The following CBL variants were observed in gnomAD, a reference collection of about 807,000 sequenced individuals.
CBL encodes E3 ubiquitin-protein ligase CBL.
Under a neutral mutation model 96.9 loss-of-function variants are expected in CBL, and 45 were observed. The observed-to-expected ratio is 0.46, with a 90% CI of 0.37 to 0.60. The LOEUF (loss-of-function observed/expected upper bound fraction) is 0.60, where lower values mean the gene tolerates loss of function less well. Ranked by LOEUF, CBL falls within the 20% of genes least tolerant of loss-of-function variation. CBL has a pLI of 0.00. For synonymous variants in CBL, 420 were observed against 426.8 expected (o/e 0.98, Z 0.20); for missense variants, 1,024 against 1,143.5 (o/e 0.90, Z 1.51).
rs938551029 is a variant in CBL at position 119,302,548 on chromosome 11, C to A, written c.*2767C>A. 7 of 232,410 alleles carry A rather than the reference C, an allele frequency of 3.0e-5. No individual in the cohort carries two copies. The highest frequency in any genetic ancestry group is 5.1e-5 in the Non-Finnish European group (6 of 117,606). The allele number at this position is 232,410 out of a possible 1,614,324, so 14.4% of individuals were successfully genotyped here. ...GTGGCTAATAAAGTAAAAAAACCCA[C>A]ACTACTTTGTTCTCTTTTTCTCATA... On this transcript the variant is annotated 3_prime_UTR_variant, in exon 16 of 16. Transcript: ENST00000264033.
Position 119,287,966 on chromosome 11 carries a change from A to G in CBL, c.2036+20A>G. The G allele has an allele frequency of 6.5e-7, 1 of 1,531,672 alleles. No homozygotes were observed. Among genetic ancestry groups the G allele is most frequent in the Middle Eastern group, 1.7e-4 (1 of 5,902 alleles). The allele number at this position is 1,531,672 out of a possible 1,614,324, so 94.9% of individuals were successfully genotyped here. ...TGCCAGGTAAGTCTGCTAAAGCTATATTTTGTACAGTGGAGTTGTTACTTG... is the reference window on the plus strand; with the variant it reads ...TGCCAGGTAAGTCTGCTAAAGCTATGTTTTGTACAGTGGAGTTGTTACTTG... On this transcript the variant is annotated intron_variant, in intron 12 of 15. Coordinates refer to ENST00000264033, the MANE Select transcript of CBL (RefSeq NM_005188.4).
At chr11:119,224,389 A>G (rs1407929714) in intron 1 of CBL, among the ~76,000 whole-genome samples, 2 of 151,914 alleles carry the variant, frequency 1.3e-5, no homozygotes, top group Non-Finnish European at 2.9e-5. Flanking sequence ...TGTCCCCCTC[A>G]TTACCTCCAG....
intron 1 of CBL, among the ~76,000 whole-genome samples, chr11:119,210,866 T>G (rs1413651609): frequency 2.0e-5 from 3 of 152,104 alleles, no homozygotes; most frequent in African/African-American, 7.2e-5. Flanking sequence ...TCCATTATTC[T>G]AGGGGATATG....
In CBL at chr11:119,273,880, T is replaced by C; in HGVS notation, c.603T>C (p.Pro201=). The change falls in exon 4 of 16, where the codon CCT becomes CCC. Residue 201 remains proline (P), a synonymous_variant. Transcript: ENST00000264033. ...ACCCCCTCCCCAGGACAATAGTCCCTTGGAAGAGCTTTCGACAGGCTCTAC... is the reference window on the plus strand; with the variant it reads ...ACCCCCTCCCCAGGACAATAGTCCCCTGGAAGAGCTTTCGACAGGCTCTAC... ...RKAFGEKTIV[P]WKSFRQALHE... 4 of 1,614,074 alleles carry C rather than the reference T, an allele frequency of 2.5e-6. No homozygotes were observed. In the South Asian group the frequency reaches 4.4e-5, roughly 18 times the overall value.
Position 119,206,356 on chromosome 11 carries a change from C to T in CBL, c.-62C>T, listed in dbSNP as rs1459565190. On this transcript the variant is annotated 5_prime_UTR_variant, in exon 1 of 16. Transcript: ENST00000264033. ...GGCCCCTCCTTCACGCCCTGCTTCT[C>T]TCCCTCGCTCGCAGTCGAGCCGAGC... 4.5e-6 allele frequency: 6 copies of T among 1,328,658 alleles called. No homozygotes were observed. Among genetic ancestry groups the T allele is most frequent in the Admixed American group, 5.7e-5 (2 of 34,992 alleles). The allele number at this position is 1,328,658 out of a possible 1,614,324, so 82.3% of individuals were successfully genotyped here. A position where few individuals can be genotyped will look rare whatever the true frequency, so the allele number is the denominator to read the frequency against.
At chr11:119,255,630 A>G (rs1949705588) in intron 2 of CBL, among the ~76,000 whole-genome samples, 1 of 152,134 alleles carries the variant, frequency 6.6e-6, no homozygotes, top group Non-Finnish European at 1.5e-5. Context: ...TAGTACATAT[A>G]AATTTTTTCA....
chr11:119,294,804 A>G (rs886527804), intron 12 of CBL, among the ~76,000 whole-genome samples: 5 of 151,896 alleles, frequency 3.3e-5, no homozygotes, highest in African/African-American at 4.8e-5. Flanking sequence ...AGGAAAAAAA[A>G]AAAAGGAAAA....
intron 9 of CBL, among the ~76,000 whole-genome samples, chr11:119,281,690 G>A (rs1949935631): frequency 6.6e-6 from 1 of 151,744 alleles, no homozygotes; most frequent in Admixed American, 6.6e-5. Flanking sequence ...GTAGAAACAG[G>A]GTTTCACCAT....
At chr11:119,219,389 AAG>A (rs1207019992) in intron 1 of CBL, among the ~76,000 whole-genome samples, 114 of 151,552 alleles carry the variant, frequency 7.5e-4, no homozygotes, top group Non-Finnish European at 1.2e-3. Flanking sequence ...AAAAAAAAAA[AAG>A]AAAGAAAGAA....
At chr11:119,275,431 C>A (rs946270190) in intron 5 of CBL, among the ~76,000 whole-genome samples, 2 of 152,000 alleles carry the variant, frequency 1.3e-5, no homozygotes, top group Non-Finnish European at 2.9e-5. Flanking sequence ...AGAGCGAAAC[C>A]CCATCTCAAA....
chr11:119,246,717 G>C (rs1182029916), intron 2 of CBL, among the ~76,000 whole-genome samples: 3 of 152,246 alleles, frequency 2.0e-5, no homozygotes, highest in Non-Finnish European at 4.4e-5. Context: ...CTCCCAAAGT[G>C]TTGGGATTAC....
Position 119,281,220 on chromosome 11 carries a change from C to T in CBL, c.1431+2507C>T, listed in dbSNP as rs146574779. ...CCATCCTCATGGGACTTCATTGCCT[C>T]TCCTCTGTTGGAGTACCTTGGTTCC... is the stretch of plus-strand genomic sequence containing the variant. On this transcript the variant is annotated intron_variant, in intron 9 of 15. Coordinates refer to ENST00000264033, the MANE Select transcript of CBL (RefSeq NM_005188.4). 9.0e-3 allele frequency among the ~76,000 whole-genome samples: 1,364 copies of T among 152,262 alleles called. 14 individuals carry two copies. The highest frequency in any genetic ancestry group is 0.017 in the Middle Eastern group (5 of 294).
intron 9 of CBL, among the ~76,000 whole-genome samples, chr11:119,279,616 C>T (rs1210303396): frequency 1.3e-5 from 2 of 152,108 alleles, no homozygotes; most frequent in African/African-American, 4.8e-5. Context: ...TGTACCACTG[C>T]ACTCTAGGTT....
intron 1 of CBL, among the ~76,000 whole-genome samples, chr11:119,208,524 G>A (rs1195957171): frequency 6.6e-6 from 1 of 151,830 alleles, no homozygotes; most frequent in East Asian, 1.9e-4. Flanking sequence ...CGAGTAGCTG[G>A]GATTACAGGT....
chr11:119,299,881 T>G lies in CBL; in HGVS notation c.*100T>G. 1 of 1,160,102 alleles carries G rather than the reference T, an allele frequency of 8.6e-7. No individual in the cohort carries two copies. The highest frequency in any genetic ancestry group is 1.2e-5 in the South Asian group (1 of 81,748). 71.9% of individuals were successfully genotyped at this position (1,160,102 alleles called of 1,614,324 possible). A position where few individuals can be genotyped will look rare whatever the true frequency, so the allele number is the denominator to read the frequency against. Reference sequence around the variant, plus strand: ...AGGAGTTCCTTTGGTGACTTCACAGTGAAGTCTTGCCCTCTCTGTGGGATA... The same window carrying G: ...AGGAGTTCCTTTGGTGACTTCACAGGGAAGTCTTGCCCTCTCTGTGGGATA... On this transcript the variant is annotated 3_prime_UTR_variant, in exon 16 of 16. Coordinates refer to ENST00000264033, the MANE Select transcript of CBL (RefSeq NM_005188.4).
At chr11:119,277,654 G>T in intron 6 of CBL, 103 bp from the exon 7 acceptor site, 1 of 755,650 alleles carries the variant, frequency 1.3e-6, no homozygotes, top group Admixed American at 1.9e-5. Context: ...CTTACACCAC[G>T]TTGCCCTTTT....
chr11:119,252,007 A>T (rs1949672851), intron 2 of CBL, among the ~76,000 whole-genome samples: 1 of 152,186 alleles, frequency 6.6e-6, no homozygotes, highest in Non-Finnish European at 1.5e-5. Flanking sequence ...TAGTGTGAAA[A>T]TGTTAGCAGC....
chr11:119,206,375 G>C lies in CBL; in HGVS notation c.-43G>C. ...GCTTCTCTCCCTCGCTCGCAGTCGA[G>C]CCGAGCCGGCGGACCCGCCTGGGCT... On this transcript the variant is annotated 5_prime_UTR_variant, in exon 1 of 16. Transcript: ENST00000264033. The C allele has an allele frequency of 7.0e-7, 1 of 1,435,210 alleles. No homozygotes were observed. Among genetic ancestry groups the C allele is most frequent in the African/African-American group, 1.5e-5 (1 of 68,002 alleles). 88.9% of individuals were successfully genotyped at this position (1,435,210 alleles called of 1,614,324 possible).
Position 119,206,688 on chromosome 11 carries a change from G to C in CBL, c.195+76G>C, listed in dbSNP as rs186044021. ...GCCGCGGGGAGGGGAACGAGCGGAC[G>C]GAGGAAGCGGGGGAGGGGACGGGTC... is the stretch of plus-strand genomic sequence containing the variant. On this transcript the variant is annotated intron_variant, in intron 1 of 15. Coordinates refer to ENST00000264033, the MANE Select transcript of CBL (RefSeq NM_005188.4). 4,344 of 1,453,712 alleles carry C rather than the reference G, an allele frequency of 3.0e-3. 120 individuals are homozygous for C. In the African/African-American group the frequency reaches 0.054, roughly 18 times the overall value. 90.1% of individuals were successfully genotyped at this position (1,453,712 alleles called of 1,614,324 possible). A position where few individuals can be genotyped will look rare whatever the true frequency, so the allele number is the denominator to read the frequency against.
Sources: gnomAD v4.1 joint callset for allele counts (sites outside exome capture counted in the v4.1 genomes callset) on GRCh38, gnomAD v4.1.1 for gene constraint, MANE v1.5 for transcripts, NCBI Gene and HGNC (gene_info 2026-07-23, HGNC 2026-07-21) for gene names.